NBEAL1: variants seen among roughly 807,000 people sequenced by gnomAD.
NBEAL1 encodes neurobeachin-like protein 1.
In NBEAL1, 273 loss-of-function variants were observed where a neutral mutation model predicts 351.3. The observed-to-expected ratio is 0.78, with a 90% CI of 0.70 to 0.86. The LOEUF (loss-of-function observed/expected upper bound fraction) is 0.86, where lower values mean the gene tolerates loss of function less well. Among genes scored for constraint, NBEAL1 ranks in the 40% least tolerant of loss-of-function variants. The probability of loss-of-function intolerance (pLI) is 0.00; values close to 1 mark genes in which losing one functional copy is unlikely to be tolerated. For missense variants in NBEAL1, 2,961 were observed against 3,201.3 expected, an observed-to-expected ratio of 0.92 and a Z score of 1.81; for synonymous variants, 1,050 against 1,086.4, an observed-to-expected ratio of 0.97 and a Z score of 0.66.
intron 2 of NBEAL1, among the ~76,000 whole-genome samples, chr2:203,021,365 A>G (rs1559313062): frequency 1.3e-5 from 2 of 150,110 alleles, no homozygotes; most frequent in Non-Finnish European, 3.0e-5. Flanking sequence ...AGGCTGAGGC[A>G]GGTGGATCAC....
chr2:203,190,285 G>A lies in NBEAL1; in HGVS notation c.6824-7G>A. ...CTCTATAGTAAGTTGACTTCTTCTG[G>A]TTTTAGGAGCTGTGGATCTGGATGC... On this transcript the variant is annotated splice_region_variant and splice_polypyrimidine_tract_variant and intron_variant, in intron 45 of 55. Coordinates refer to ENST00000683969, the MANE Select transcript of NBEAL1 (RefSeq NM_001378026.1). 6.3e-7 allele frequency: 1 copy of A among 1,599,228 alleles called. No individual in the cohort carries two copies. Among genetic ancestry groups the A allele is most frequent in the South Asian group, 1.1e-5 (1 of 88,560 alleles).
At chr2:203,030,113 G>A (rs577463548) in intron 2 of NBEAL1, among the ~76,000 whole-genome samples, 20 of 152,182 alleles carry the variant, frequency 1.3e-4, no homozygotes, top group Non-Finnish European at 2.2e-4. Flanking sequence ...AGGCATGACC[G>A]AACAAAGGAA....
chr2:203,088,819 G>A (rs1275108531), intron 10 of NBEAL1, among the ~76,000 whole-genome samples: 2 of 152,156 alleles, frequency 1.3e-5, no homozygotes, highest in African/African-American at 4.8e-5. Flanking sequence ...ATCAAGAAAA[G>A]GTCTTGACTT....
intron 2 of NBEAL1, among the ~76,000 whole-genome samples, chr2:203,037,782 C>T (rs2061063307): frequency 6.7e-6 from 1 of 148,550 alleles, no homozygotes; most frequent in Admixed American, 6.8e-5. Flanking sequence ...CGTAACAAGA[C>T]CCTGTCTCTA....
At chr2:203,215,342 T>TA (rs1286160129) in intron 55 of NBEAL1, among the ~76,000 whole-genome samples, 2 of 151,580 alleles carry the variant, frequency 1.3e-5, no homozygotes, top group Admixed American at 1.3e-4. Flanking sequence ...CTACTAAAAA[T>TA]ACAAAAAAAA....
Position 203,213,502 on chromosome 2 carries a change from T to C in NBEAL1, c.7935-16T>C, listed in dbSNP as rs1445458922. 1 of 1,601,584 alleles carries C rather than the reference T, an allele frequency of 6.2e-7. No homozygotes were observed. The highest frequency in any genetic ancestry group is 8.5e-7 in the Non-Finnish European group (1 of 1,173,716). Reference sequence around the variant, plus strand: ...AATCCGTGTAATTATGTCTGTATTTTTTATTTCTTTTCTAGCTTGAATCTC... The same window carrying C: ...AATCCGTGTAATTATGTCTGTATTTCTTATTTCTTTTCTAGCTTGAATCTC... On this transcript the variant is annotated splice_polypyrimidine_tract_variant and intron_variant, in intron 54 of 55. Transcript: ENST00000683969.
intron 36 of NBEAL1, 107 bp from the exon 37 acceptor site, chr2:203,166,042 C>A: frequency 9.2e-7 from 1 of 1,082,110 alleles, no homozygotes; most frequent in Non-Finnish European, 1.3e-6. Context: ...AAGACCTTGT[C>A]TCAAAAAAAA....
At chr2:203,183,118 C>T (rs552597372) in intron 43 of NBEAL1, 161 bp from the exon 44 acceptor site, 34 of 413,566 alleles carry the variant, frequency 8.2e-5, no homozygotes, top group East Asian at 6.2e-4. Context: ...ATTTAAAACT[C>T]GTTATTTTTG....
At chr2:203,037,050 C>T (rs2061050963) in intron 2 of NBEAL1, among the ~76,000 whole-genome samples, 1 of 149,162 alleles carries the variant, frequency 6.7e-6, no homozygotes, top group African/African-American at 2.4e-5. Flanking sequence ...AAAATTCTCA[C>T]AAAAGGTAGC....
upstream of NBEAL1, chr2:203,014,846 C>T (rs1217279170): frequency 6.6e-6 from 1 of 152,382 alleles, no homozygotes; most frequent in Non-Finnish European, 1.5e-5. Flanking sequence ...CCCTGCTCCT[C>T]CCGGCCTCTC....
At position 203,107,871 on chromosome 2, in the gene NBEAL1, T is replaced by G. The variant is rs1457597533; in HGVS notation, c.1632T>G (p.His544Gln). 1 of 1,554,336 alleles carries G rather than the reference T, an allele frequency of 6.4e-7. No homozygotes were observed. Among genetic ancestry groups the G allele is most frequent in the Non-Finnish European group, 8.7e-7 (1 of 1,147,736 alleles). ...QTCAENLIAI[H>Q]GSLGSQSVSS... ...GTGCTGAGAACTTGATTGCAATCCA[T>G]GGTTCCTTGGGGAGTCAGTCAGTGA... is the stretch of plus-strand genomic sequence containing the variant. Residue 544 changes from histidine to glutamine, a missense_variant, in exon 14 of 56, where the codon CAT becomes CAG. His to Gln is a conservative substitution (Grantham distance 24). Coordinates refer to ENST00000683969, the MANE Select transcript of NBEAL1 (RefSeq NM_001378026.1).
intron 51 of NBEAL1, among the ~76,000 whole-genome samples, chr2:203,205,467 A>G (rs1253479224): frequency 1.3e-5 from 2 of 152,254 alleles, no homozygotes; most frequent in South Asian, 4.1e-4. Context: ...TCCACAGTCC[A>G]TGTTCTAATT....
intron 10 of NBEAL1, chr2:203,085,053 C>T (rs2106169670): frequency 6.5e-6 from 1 of 154,988 alleles, no homozygotes; most frequent in South Asian, 2.0e-4. Context: ...AAACCTATTA[C>T]TCTAACTCAA....
intron 17 of NBEAL1, among the ~76,000 whole-genome samples, chr2:203,114,958 G>T (rs1042745611): frequency 1.3e-5 from 2 of 151,834 alleles, no homozygotes; most frequent in Non-Finnish European, 2.9e-5. Context: ...CGCCATGTTC[G>T]CTAGGCTGGT....
Position 203,144,804 on chromosome 2 carries a change from C to G in NBEAL1, c.5053C>G (p.His1685Asp). 6.2e-7 allele frequency: 1 copy of G among 1,614,000 alleles called. No individual in the cohort carries two copies. The highest frequency in any genetic ancestry group is 8.5e-7 in the Non-Finnish European group (1 of 1,179,886). ...TTATGAGCTTCTCTTCATGAACTTG[C>G]ACCTACCTTCTTTACCTTTTACCAA... ...KIYELLFMNL[H>D]LPSLPFTNGS... Residue 1685 changes from histidine (H) to aspartate (D), a missense_variant, in exon 32 of 56, where the codon CAC (histidine) becomes GAC (aspartate). Physicochemically the swap from His to Asp is moderately conservative, Grantham distance 81. Coordinates refer to ENST00000683969, the MANE Select transcript of NBEAL1 (RefSeq NM_001378026.1).
chr2:203,016,409 G>A lies in NBEAL1; in HGVS notation c.25G>A (p.Glu9Lys), dbSNP rs1400980677. MASRERLFELWMLYCTKKD... is the reference protein window; with the variant it reads MASRERLFKLWMLYCTKKD... ...AATGGCATCCAGAGAGAGGCTCTTT[G>A]AACTTTGGATGCTTTATTGTACAAA... Residue 9 changes from glutamate to lysine, a missense_variant, in exon 2 of 56, where the codon GAA becomes AAA. By Grantham distance (56) the Glu-to-Lys change is moderately conservative. Coordinates refer to ENST00000683969, the MANE Select transcript of NBEAL1 (RefSeq NM_001378026.1). 1 of 1,496,532 alleles carries A rather than the reference G, an allele frequency of 6.7e-7. No homozygotes were observed. Among genetic ancestry groups the A allele is most frequent in the Non-Finnish European group, 9.0e-7 (1 of 1,108,704 alleles). 92.7% of individuals were successfully genotyped at this position (1,496,532 alleles called of 1,614,324 possible). A position where few individuals can be genotyped will look rare whatever the true frequency, so the allele number is the denominator to read the frequency against.
At chr2:203,038,464 T>A (rs1559323898) in intron 2 of NBEAL1, among the ~76,000 whole-genome samples, 1 of 149,194 alleles carries the variant, frequency 6.7e-6, no homozygotes, top group Non-Finnish European at 1.5e-5. Flanking sequence ...ATGATATTGA[T>A]CACAGATTAG....
At chr2:203,150,522 G>A (rs570837050) in intron 34 of NBEAL1, among the ~76,000 whole-genome samples, 19 of 152,010 alleles carry the variant, frequency 1.2e-4, no homozygotes, top group Admixed American at 4.6e-4. Flanking sequence ...ATTAATAGCA[G>A]CCCTTTTGAT....
At chr2:203,185,109 G>C (rs989858592) in intron 44 of NBEAL1, among the ~76,000 whole-genome samples, 6 of 152,168 alleles carry the variant, frequency 3.9e-5, no homozygotes, top group African/African-American at 1.4e-4. Flanking sequence ...AGGTTGAACA[G>C]GCAGTTGCTG....
Sources: gnomAD v4.1 joint callset for allele counts (sites outside exome capture counted in the v4.1 genomes callset) on GRCh38, gnomAD v4.1.1 for gene constraint, MANE v1.5 for transcripts, NCBI Gene and HGNC (gene_info 2026-07-23, HGNC 2026-07-21) for gene names.